MBD5: variants seen among roughly 807,000 people sequenced by gnomAD.
The protein encoded by MBD5 is methyl-CpG binding domain protein 5.
In MBD5, 13 loss-of-function variants were observed where a neutral mutation model predicts 117.3. The observed-to-expected ratio is 0.11, with a 90% CI of 0.07 to 0.18. The LOEUF is 0.18. Ranked by LOEUF, MBD5 falls within the 10% of genes least tolerant of loss-of-function variation. MBD5 has a pLI of 1.00. For missense variants in MBD5, 1,879 were observed against 2,093.8 expected (o/e 0.90, Z 2.00); for synonymous variants, 727 against 766.4 (o/e 0.95, Z 0.85).
At chr2:148,167,164 A>G (rs1013227732) in intron 1 of MBD5, among the ~76,000 whole-genome samples, 2 of 152,206 alleles carry the variant, frequency 1.3e-5, no homozygotes, top group Admixed American at 6.5e-5. Context: ...CCTTTAAAAC[A>G]TATCTACAGG....
At chr2:148,390,084 G>A (rs2105521041) in intron 4 of MBD5, among the ~76,000 whole-genome samples, 1 of 152,202 alleles carries the variant, frequency 6.6e-6, no homozygotes, top group Non-Finnish European at 1.5e-5. Flanking sequence ...TACATCTTGA[G>A]TTAATTTTTT....
intron 3 of MBD5, among the ~76,000 whole-genome samples, chr2:148,280,139 AAAAAAAAAAAAC>A: frequency 6.6e-6 from 1 of 150,898 alleles, no homozygotes; most frequent in South Asian, 2.1e-4. Flanking sequence ...TGCAAAAAAA[AAAAAAAAAAAAC>A]AAAAAGAAAA....
At chr2:148,339,649 A>G (rs921790400) in intron 3 of MBD5, among the ~76,000 whole-genome samples, 4 of 152,024 alleles carry the variant, frequency 2.6e-5, no homozygotes, top group African/African-American at 9.7e-5. Flanking sequence ...CCTCACCCCT[A>G]AGAGCAGGGA....
intron 2 of MBD5, among the ~76,000 whole-genome samples, chr2:148,219,296 A>G (rs1053616269): frequency 2.0e-4 from 31 of 152,096 alleles, no homozygotes; most frequent in African/African-American, 7.5e-4. Flanking sequence ...AGTAACCCAC[A>G]CGGAGCTGTC....
chr2:148,144,961 G>A (rs1190602298), intron 1 of MBD5, among the ~76,000 whole-genome samples: 1 of 152,188 alleles, frequency 6.6e-6, no homozygotes, highest in Non-Finnish European at 1.5e-5. Context: ...GAACTTTAAA[G>A]TAGTTTTTTC....
intron 1 of MBD5, among the ~76,000 whole-genome samples, chr2:148,155,398 A>C (rs1311102814): frequency 6.6e-6 from 1 of 152,206 alleles, no homozygotes; most frequent in Non-Finnish European, 1.5e-5. Flanking sequence ...GAGAGAGCTC[A>C]GACAGGTAAT....
intron 2 of MBD5, among the ~76,000 whole-genome samples, chr2:148,226,035 C>G (rs1448624675): frequency 1.3e-5 from 2 of 151,892 alleles, no homozygotes; most frequent in African/African-American, 4.8e-5. Flanking sequence ...TTTGAGTAAA[C>G]TTTCTGCCTC....
chr2:148,101,001 A>T (rs190456854), intron 1 of MBD5, among the ~76,000 whole-genome samples: 65 of 152,326 alleles, frequency 4.3e-4, no homozygotes, highest in African/African-American at 1.4e-3. Flanking sequence ...ACAAATCTAT[A>T]TTCCACTGCA....
intron 3 of MBD5, among the ~76,000 whole-genome samples, chr2:148,251,282 GC>G (rs1700458222): frequency 6.6e-6 from 1 of 152,114 alleles, no homozygotes; most frequent in Admixed American, 6.6e-5. Context: ...TACTTCAGAA[GC>G]CCTTGTTACT....
At chr2:148,318,297 G>T (rs1574279205) in intron 3 of MBD5, among the ~76,000 whole-genome samples, 1 of 144,082 alleles carries the variant, frequency 6.9e-6, no homozygotes, top group Non-Finnish European at 1.5e-5. Flanking sequence ...ACTTCTTAAT[G>T]TTTTTTTTTT....
intron 1 of MBD5, among the ~76,000 whole-genome samples, chr2:148,101,930 T>C (rs760195503): frequency 7.9e-5 from 12 of 152,210 alleles, no homozygotes. Flanking sequence ...TACACACACA[T>C]AGGCTGAACA....
At chr2:148,269,545 T>A (rs1324796536) in intron 3 of MBD5, among the ~76,000 whole-genome samples, 6 of 151,846 alleles carry the variant, frequency 4.0e-5, no homozygotes, top group Non-Finnish European at 5.9e-5. Context: ...ATTATTTCAT[T>A]TCCTACAGTG....
intron 3 of MBD5, among the ~76,000 whole-genome samples, chr2:148,291,641 G>A (rs896442089): frequency 1.3e-5 from 2 of 151,770 alleles, no homozygotes; most frequent in East Asian, 1.9e-4. Context: ...ACATTCCTTT[G>A]GCTTTCTTAT....
intron 2 of MBD5, among the ~76,000 whole-genome samples, chr2:148,218,777 A>C (rs1321690892): frequency 6.6e-6 from 1 of 152,214 alleles, no homozygotes; most frequent in Non-Finnish European, 1.5e-5. Flanking sequence ...TAAAAGTAAG[A>C]TATGAAAGAT....
chr2:148,231,936 G>A (rs1001778446), intron 2 of MBD5, among the ~76,000 whole-genome samples: 1 of 152,184 alleles, frequency 6.6e-6, no homozygotes, highest in African/African-American at 2.4e-5. Context: ...TGGTGAAGAG[G>A]GTAAAAGTTG....
At chr2:148,205,546 A>G (rs2105979547) in intron 2 of MBD5, among the ~76,000 whole-genome samples, 1 of 152,366 alleles carries the variant, frequency 6.6e-6, no homozygotes, top group South Asian at 2.1e-4. Context: ...CAAATATTAT[A>G]ATTGCTTATA....
intron 3 of MBD5, among the ~76,000 whole-genome samples, chr2:148,253,514 C>T (rs1700513213): frequency 6.6e-6 from 1 of 152,082 alleles, no homozygotes; most frequent in African/African-American, 2.4e-5. Context: ...TTCAGACCAC[C>T]CCAGTGAAGC....
intron 3 of MBD5, among the ~76,000 whole-genome samples, chr2:148,326,952 C>A (rs1702469656): frequency 6.6e-6 from 1 of 151,352 alleles, no homozygotes; most frequent in Admixed American, 6.6e-5. Flanking sequence ...TACATTTTGG[C>A]ATGATTTTGC....
Position 148,072,944 on chromosome 2 carries a change from C to T in MBD5, c.-925+51260C>T, listed in dbSNP as rs73007132. Among the ~76,000 whole-genome samples the T allele has an allele frequency of 2.6e-3, 393 of 152,130 alleles. 1 individual carries two copies. The highest frequency in any genetic ancestry group is 8.9e-3 in the African/African-American group (368 of 41,500). ...TGTTCTGGAGTACCTATATCCAGCT[C>T]TAAAGTTTAGCTTTTTAACAAAAAA... On this transcript the variant is annotated intron_variant, in intron 1 of 13. Transcript: ENST00000642680.
Sources: allele counts gnomAD v4.1 joint callset (sites outside exome capture counted in the v4.1 genomes callset), GRCh38; gene constraint gnomAD v4.1.1; transcripts MANE v1.5; gene names NCBI Gene and HGNC (gene_info 2026-07-23, HGNC 2026-07-21).